GOLGA1: variants seen among roughly 807,000 people sequenced by gnomAD.
GOLGA1 encodes the protein golgin A1, also known as golgin subfamily A member 1.
In GOLGA1, 63 loss-of-function variants were observed where a neutral mutation model predicts 119.7. The ratio of observed to expected loss-of-function variants is 0.53; its 90% CI spans 0.43 to 0.65. The LOEUF is 0.65. GOLGA1 is among the 30% of genes least tolerant of loss of function. The pLI is 0.00. For synonymous variants in GOLGA1, 318 were observed against 333.4 expected, an observed-to-expected ratio of 0.95 and a Z score of 0.50; for missense variants, 798 against 912.8, an observed-to-expected ratio of 0.87 and a Z score of 1.62.
intron 10 of GOLGA1, among the ~76,000 whole-genome samples, chr9:124,916,457 T>A (rs1194641643): frequency 6.6e-6 from 1 of 151,988 alleles, no homozygotes; most frequent in Non-Finnish European, 1.5e-5. Flanking sequence ...ATATAAGAAA[T>A]ACAATGCCAA....
In GOLGA1 at chr9:124,881,132, G is replaced by T; in HGVS notation, c.2223+39C>A. 2 of 1,070,632 alleles carry T rather than the reference G, an allele frequency of 1.9e-6. No homozygotes were observed. The highest frequency in any genetic ancestry group is 2.9e-6 in the Non-Finnish European group (2 of 682,250). The allele number at this position is 1,070,632 out of a possible 1,614,324, so 66.3% of individuals were successfully genotyped here. ...TGCTACTGCTGGGATAACTGACAAC[G>T]TATCTTGGAAGCTGGAACAGTAGAC... On this transcript the variant is annotated intron_variant, in intron 22 of 22. Transcript: ENST00000373555. This position sits in a 1 kb window ranked among gnomAD's most constrained non-coding sequence, Gnocchi z 4.9.
upstream of GOLGA1, chr9:124,944,694 T>C (rs2131558370): frequency 6.6e-6 from 1 of 152,232 alleles, no homozygotes; most frequent in Middle Eastern, 3.4e-3. Flanking sequence ...AAAAATACAG[T>C]GGTTATCCCT....
upstream of GOLGA1, chr9:124,944,075 C>A (rs1186125723): frequency 2.0e-5 from 3 of 152,126 alleles, no homozygotes; most frequent in Non-Finnish European, 4.4e-5. Context: ...CATCCAAAAT[C>A]TAAAGGTTTC....
intron 16 of GOLGA1, 140 bp downstream of exon 16, chr9:124,890,249 G>A: frequency 3.1e-6 from 2 of 642,348 alleles, no homozygotes; most frequent in South Asian, 3.6e-5. Flanking sequence ...GGCCCACGCA[G>A]CTGACTGCAT....
intron 10 of GOLGA1, among the ~76,000 whole-genome samples, chr9:124,917,140 T>G (rs1288579529): frequency 6.6e-6 from 1 of 152,006 alleles, no homozygotes; most frequent in African/African-American, 2.4e-5. Flanking sequence ...CTGACAACAT[T>G]AGAAAGCAAA....
chr9:124,917,863 T>A (rs138996974), intron 10 of GOLGA1, among the ~76,000 whole-genome samples: 3,553 of 151,966 alleles, frequency 0.023, 142 homozygotes, highest in African/African-American at 0.079. Flanking sequence ...ATATATATTT[T>A]TTTTTTGAGA....
At position 124,879,742 on chromosome 9, in the gene GOLGA1, A is replaced by G. The variant is rs1191486914; in HGVS notation, c.*788T>C. On this transcript the variant is annotated 3_prime_UTR_variant, in exon 23 of 23. Coordinates refer to ENST00000373555, the MANE Select transcript of GOLGA1 (RefSeq NM_002077.4). ...AGAACACCAGTTAAATGGATTTTAT[A>G]GTACAGAAGACATGTTTATAGTAGT... The G allele has an allele frequency of 7.5e-6, 1 of 132,560 alleles. No individual in the cohort carries two copies. The highest frequency in any genetic ancestry group is 2.8e-5 in the African/African-American group (1 of 35,720). The allele number at this position is 132,560 out of a possible 1,614,324, so 8.2% of individuals were successfully genotyped here.
chr9:124,928,384 A>G (rs1385175713), intron 5 of GOLGA1, 99 bp from the exon 6 acceptor site: 3 of 593,108 alleles, frequency 5.1e-6, no homozygotes, highest in Non-Finnish European at 9.0e-6. Context: ...GAAAAAGGCC[A>G]AAGTCACATA....
At chr9:124,921,570 G>T in intron 9 of GOLGA1, 153 bp downstream of exon 9, 1 of 697,608 alleles carries the variant, frequency 1.4e-6, no homozygotes, top group Non-Finnish European at 2.5e-6. Flanking sequence ...GTAGGGTGAG[G>T]CCTGAGTCCT....
intron 19 of GOLGA1, among the ~76,000 whole-genome samples, chr9:124,885,484 CAAAAAAAA>C (rs34466889): frequency 2.0e-5 from 2 of 97,916 alleles, no homozygotes; most frequent in Non-Finnish European, 4.2e-5. Flanking sequence ...GACTCTGTCT[CAAAAAAAA>C]AAAAAAAAAG....
At chr9:124,912,176 A>G (rs1262894664) in intron 10 of GOLGA1, 150 bp from the exon 11 acceptor site, 3 of 711,236 alleles carry the variant, frequency 4.2e-6, no homozygotes, top group Non-Finnish European at 6.9e-6. Context: ...AAAATGGGAT[A>G]CAGAAAATGC....
In GOLGA1 at chr9:124,919,663, C is replaced by T. The variant is rs80128021; in HGVS notation, c.843+1466G>A. 3.3e-5 allele frequency among the ~76,000 whole-genome samples: 5 copies of T among 152,198 alleles called. No individual in the cohort carries two copies. The East Asian group carries it at 9.7e-4, about 29-fold the overall frequency. The stretch of plus-strand genomic sequence containing the variant: ...CCTCTATTGACAAAATCTTACTGTA[C>T]TGTAATTATGTTGTAAGGCTCTGTC... On this transcript the variant is annotated intron_variant, in intron 10 of 22. Coordinates refer to ENST00000373555, the MANE Select transcript of GOLGA1 (RefSeq NM_002077.4).
Position 124,908,104 on chromosome 9 carries a change from C to A in GOLGA1, c.1065+273G>T, listed in dbSNP as rs2131440508. ...CCAGTGCTACATATTTTAAAACAACCCAACAAAAAGAGCATCTATATGAAC... is the reference window on the plus strand; with the variant it reads ...CCAGTGCTACATATTTTAAAACAACACAACAAAAAGAGCATCTATATGAAC... On this transcript the variant is annotated intron_variant, in intron 12 of 22. Coordinates refer to ENST00000373555, the MANE Select transcript of GOLGA1 (RefSeq NM_002077.4). Among the ~76,000 whole-genome samples the A allele has an allele frequency of 1.3e-5, 2 of 152,212 alleles. 1 individual carries two copies. Among genetic ancestry groups the A allele is most frequent in the South Asian group, 4.2e-4 (2 of 4,818 alleles).
intron 15 of GOLGA1, among the ~76,000 whole-genome samples, chr9:124,893,319 A>G (rs1829899025): frequency 1.3e-5 from 2 of 152,232 alleles, no homozygotes; most frequent in South Asian, 4.1e-4. Flanking sequence ...GTCTTTTATC[A>G]TAACTATAAT....
intron 7 of GOLGA1, 45 bp downstream of exon 7, chr9:124,926,664 G>A: frequency 7.6e-7 from 1 of 1,313,710 alleles, no homozygotes; most frequent in Non-Finnish European, 1.1e-6. Context: ...CCATACCCCA[G>A]AGACGAGACC....
intron 12 of GOLGA1, 112 bp from the exon 13 acceptor site, chr9:124,900,659 T>A: frequency 1.8e-6 from 1 of 542,670 alleles, no homozygotes; most frequent in Non-Finnish European, 3.3e-6. Context: ...TAGAAAAATG[T>A]AACCTGAGAA....
At chr9:124,907,241 T>C (rs1383031371) in intron 12 of GOLGA1, among the ~76,000 whole-genome samples, 2 of 152,166 alleles carry the variant, frequency 1.3e-5, no homozygotes, top group Non-Finnish European at 2.9e-5. Flanking sequence ...GAGGAATCAA[T>C]TCAGAAAGGA....
chr9:124,899,144 T>TG (rs1830043409), intron 14 of GOLGA1, among the ~76,000 whole-genome samples, 185 bp downstream of exon 14: 1 of 152,088 alleles, frequency 6.6e-6, no homozygotes, highest in African/African-American at 2.4e-5. Context: ...TGCAGTCAGT[T>TG]GTAATCATGC....
chr9:124,904,711 G>C (rs530818441), intron 12 of GOLGA1, among the ~76,000 whole-genome samples: 1 of 152,158 alleles, frequency 6.6e-6, no homozygotes, highest in South Asian at 2.1e-4. Flanking sequence ...GGATGCTGAG[G>C]CAGGTGGATC....
Sources: allele counts gnomAD v4.1 joint callset (sites outside exome capture counted in the v4.1 genomes callset), GRCh38; gene constraint gnomAD v4.1.1; non-coding constraint Gnocchi (gnomAD v3.1); transcripts MANE v1.5; gene names NCBI Gene and HGNC (gene_info 2026-07-23, HGNC 2026-07-21).